Variants in DOCK7 observed in about 807,000 individuals in gnomAD.
The protein encoded by DOCK7 is dedicator of cytokinesis protein 7.
In DOCK7, 138 loss-of-function variants were observed where a neutral mutation model predicts 271.0. The observed-to-expected ratio is 0.51, with a 90% CI of 0.44 to 0.59. DOCK7 has a LOEUF of 0.59. Ranked by LOEUF, DOCK7 falls within the 20% of genes least tolerant of loss-of-function variation. The pLI, the probability that DOCK7 is intolerant of heterozygous loss-of-function variation, is 0.00. For missense variants in DOCK7, 2,066 were observed against 2,592.4 expected (o/e 0.80, Z 4.41); for synonymous variants, 823 against 876.1 (o/e 0.94, Z 1.07).
chr1:62,624,907 G>C (rs2149603581), intron 12 of DOCK7, among the ~76,000 whole-genome samples: 1 of 152,096 alleles, frequency 6.6e-6, no homozygotes, highest in Middle Eastern at 3.4e-3. Flanking sequence ...GGGAGGCGGA[G>C]GTTGCAGTGA....
chr1:62,525,012 A>G (rs1287916139), intron 31 of DOCK7, among the ~76,000 whole-genome samples: 1 of 147,800 alleles, frequency 6.8e-6, no homozygotes, highest in African/African-American at 2.5e-5. Context: ...CTCTCTATCT[A>G]TACATTTTTT....
rs1243605879 is a variant in DOCK7, at chr1:62,539,819, C to T, written c.3119G>A (p.Arg1040His). 2 of 1,613,694 alleles carry T rather than the reference C, an allele frequency of 1.2e-6. No homozygotes were observed. Among genetic ancestry groups the T allele is most frequent in the Non-Finnish European group, 1.7e-6 (2 of 1,179,860 alleles). Residue 1040 changes from arginine to histidine, a missense_variant, in exon 26 of 50, where the codon CGT becomes CAT. By Grantham distance (29) the Arg-to-His change is conservative. Coordinates refer to ENST00000635253, the MANE Select transcript of DOCK7 (RefSeq NM_001367561.1). The part of the protein sequence containing the change: ...EAPRKSRFPE[R>H]FMDDIAALVS... ...AAGAGCTGCAATGTCATCCATGAAA[C>T]GTTCTGGAAAACGACTTTTCCTTGG... is the stretch of plus-strand genomic sequence containing the variant.
intron 28 of DOCK7, among the ~76,000 whole-genome samples, chr1:62,537,608 C>T (rs1189641486): frequency 6.9e-6 from 1 of 145,554 alleles, no homozygotes; most frequent in East Asian, 2.0e-4. Context: ...AAAAAAAGAA[C>T]TTGGGCTCTA....
intron 22 of DOCK7, among the ~76,000 whole-genome samples, chr1:62,549,579 CAT>C (rs1645824880): frequency 6.6e-6 from 1 of 152,050 alleles, no homozygotes; most frequent in Non-Finnish European, 1.5e-5. Context: ...AAAGATGTAT[CAT>C]GTGTACTAAT....
chr1:62,483,213 G>GTTTTTTTTT (rs1646188443), intron 43 of DOCK7: 1 of 43,426 alleles, frequency 2.3e-5, no homozygotes, highest in East Asian at 8.3e-4. Flanking sequence ...TTTTTTTTTG[G>GTTTTTTTTT]GTAGAGATGA....
intron 13 of DOCK7, 79 bp downstream of exon 13, chr1:62,619,821 A>AG (rs1652921327): frequency 1.1e-6 from 1 of 886,804 alleles, no homozygotes; most frequent in African/African-American, 1.8e-5. Flanking sequence ...ATAAAAAAAA[A>AG]AGATACATAA....
intron 21 of DOCK7, among the ~76,000 whole-genome samples, chr1:62,554,396 C>T (rs916411540): frequency 4.4e-5 from 6 of 137,104 alleles, no homozygotes; most frequent in Admixed American, 1.7e-4. Flanking sequence ...GGCGTGAACC[C>T]GGGAAGCGGA....
At chr1:62,619,175 G>A (rs962047752) in intron 13 of DOCK7, among the ~76,000 whole-genome samples, 1 of 152,090 alleles carries the variant, frequency 6.6e-6, no homozygotes, top group Admixed American at 6.5e-5. Flanking sequence ...ATAGGAACAA[G>A]CTAAGTCATT....
At position 62,525,289 on chromosome 1, in the gene DOCK7, G is replaced by A. The variant is rs1004560328; in HGVS notation, c.3936+2862C>T. Among the ~76,000 whole-genome samples the A allele has an allele frequency of 5.9e-5, 9 of 151,954 alleles. No individual in the cohort carries two copies. In the East Asian group the frequency reaches 1.5e-3, roughly 26 times the overall value. On this transcript the variant is annotated intron_variant, in intron 31 of 49. Transcript: ENST00000635253. ...CTCCCAAAGTGCTGGGATTACAGGC[G>A]TGAGCCACCATGCCTGGCCTAGATG... is the stretch of plus-strand genomic sequence containing the variant.
chr1:62,652,138 G>A (rs1447714280), intron 4 of DOCK7, among the ~76,000 whole-genome samples: 1 of 152,172 alleles, frequency 6.6e-6, no homozygotes, highest in African/African-American at 2.4e-5. Context: ...TGGTGGAAGA[G>A]GTTTCAGAGT....
At chr1:62,557,199 C>T (rs752498936) in intron 20 of DOCK7, among the ~76,000 whole-genome samples, 1 of 151,608 alleles carries the variant, frequency 6.6e-6, no homozygotes, top group South Asian at 2.1e-4. Flanking sequence ...CACACCTGGC[C>T]AAAAGTCCTC....
At chr1:62,605,913 T>C (rs1650921903) in intron 14 of DOCK7, 1 of 152,062 alleles carries the variant, frequency 6.6e-6, no homozygotes, top group Non-Finnish European at 1.5e-5. Flanking sequence ...TTTTTAAATA[T>C]GATTTTTTAA....
chr1:62,510,202 T>A (rs1644443072), intron 34 of DOCK7, among the ~76,000 whole-genome samples: 1 of 152,316 alleles, frequency 6.6e-6, no homozygotes, highest in South Asian at 2.1e-4. Context: ...TATTGTTTTG[T>A]CTTTCTTGAA....
chr1:62,605,446 T>C (rs1209105978), intron 14 of DOCK7: 1 of 153,042 alleles, frequency 6.5e-6, no homozygotes, highest in Non-Finnish European at 1.5e-5. Flanking sequence ...TCGCTGTCTT[T>C]AAACAAATGG....
chr1:62,611,757 A>C (rs1486258802), intron 14 of DOCK7, among the ~76,000 whole-genome samples: 2 of 152,140 alleles, frequency 1.3e-5, no homozygotes, highest in African/African-American at 4.8e-5. Context: ...GTATATAATA[A>C]GCTTATTCAA....
chr1:62,498,783 C>T (rs1433450009), intron 37 of DOCK7, among the ~76,000 whole-genome samples: 1 of 151,820 alleles, frequency 6.6e-6, no homozygotes, highest in Non-Finnish European at 1.5e-5. Context: ...ATATCACTGC[C>T]AGTTTTAAAT....
intron 27 of DOCK7, among the ~76,000 whole-genome samples, chr1:62,539,074 T>A (rs540816966): frequency 9.8e-4 from 149 of 152,304 alleles, no homozygotes; most frequent in Non-Finnish European, 1.9e-3. Flanking sequence ...TTTCGTAAAG[T>A]CAAGATAATG....
At chr1:62,526,046 C>T (rs1230393437) in intron 31 of DOCK7, among the ~76,000 whole-genome samples, 1 of 152,194 alleles carries the variant, frequency 6.6e-6, no homozygotes, top group East Asian at 1.9e-4. Flanking sequence ...AAACAATCCT[C>T]CCACCTTAGC....
chr1:62,486,232 T>G (rs1296047974), intron 43 of DOCK7: 1 of 152,060 alleles, frequency 6.6e-6, no homozygotes, highest in Non-Finnish European at 1.5e-5. Flanking sequence ...TAAGGTAGAT[T>G]TATAAAAGTA....
Sources: allele counts gnomAD v4.1 joint callset (sites outside exome capture counted in the v4.1 genomes callset), GRCh38; gene constraint gnomAD v4.1.1; transcripts MANE v1.5; gene names NCBI Gene and HGNC (gene_info 2026-07-23, HGNC 2026-07-21).